Variants in LIFR observed in about 807,000 individuals in gnomAD.
LIFR encodes the protein LIF receptor subunit alpha.
A neutral mutation model predicts 122.2 loss-of-function variants in LIFR; 84 were observed. The observed-to-expected ratio is 0.69, with a 90% CI of 0.58 to 0.82. The LOEUF (loss-of-function observed/expected upper bound fraction) is 0.82. Ranked by LOEUF, LIFR falls within the 40% of genes least tolerant of loss-of-function variation. The pLI, the probability that LIFR is intolerant of heterozygous loss-of-function variation, is 0.00. For missense variants in LIFR, 1,294 were observed against 1,311.6 expected (o/e 0.99, Z 0.21); for synonymous variants, 422 against 434.7 (o/e 0.97, Z 0.36).
At chr5:38,579,814 G>C (rs538099445) in intron 1 of LIFR, among the ~76,000 whole-genome samples, 1 of 152,138 alleles carries the variant, frequency 6.6e-6, no homozygotes, top group Non-Finnish European at 1.5e-5. Context: ...TTTTAAAAAT[G>C]TGATATTCTA....
intron 1 of LIFR, among the ~76,000 whole-genome samples, chr5:38,593,948 A>G (rs1417399651): frequency 1.3e-5 from 2 of 152,190 alleles, no homozygotes; most frequent in Non-Finnish European, 2.9e-5. Flanking sequence ...TACCCAGACT[A>G]TCGTATTTTT....
At chr5:38,582,604 T>C (rs1209334112) in intron 1 of LIFR, among the ~76,000 whole-genome samples, 1 of 152,226 alleles carries the variant, frequency 6.6e-6, no homozygotes, top group African/African-American at 2.4e-5. Flanking sequence ...AAGTGATCTA[T>C]TAAAAAGACA....
intron 11 of LIFR, 38 bp downstream of exon 11, chr5:38,502,599 A>G: frequency 6.6e-7 from 1 of 1,525,208 alleles, no homozygotes; most frequent in Non-Finnish European, 9.1e-7. Context: ...TTCAGAATAC[A>G]CAGTAATTAT....
upstream of LIFR, among the ~76,000 whole-genome samples, chr5:38,560,901 T>A (rs78755328): frequency 6.6e-6 from 1 of 152,170 alleles, no homozygotes; most frequent in African/African-American, 2.4e-5. Flanking sequence ...CAGCCTGTCT[T>A]TTGTTTATTT....
At chr5:38,606,544 G>A (rs186993081) in intron 1 of LIFR, among the ~76,000 whole-genome samples, 1 of 152,136 alleles carries the variant, frequency 6.6e-6, no homozygotes, top group African/African-American at 2.4e-5. Context: ...AATTACCTGC[G>A]AGCACAAATT....
At chr5:38,585,537 A>G (rs1054578953) in intron 1 of LIFR, among the ~76,000 whole-genome samples, 11 of 152,218 alleles carry the variant, frequency 7.2e-5, no homozygotes, top group African/African-American at 2.7e-4. Flanking sequence ...TAGGGTTAGA[A>G]GAAGAAATGC....
At chr5:38,507,486 C>T (rs1004734229) in intron 7 of LIFR, among the ~76,000 whole-genome samples, 1 of 150,030 alleles carries the variant, frequency 6.7e-6, no homozygotes, top group Admixed American at 6.7e-5. Context: ...ACCGCTTGAA[C>T]CTGGGAGGTG....
intron 1 of LIFR, among the ~76,000 whole-genome samples, chr5:38,548,417 C>T (rs1561198537): frequency 6.6e-6 from 1 of 152,148 alleles, no homozygotes; most frequent in Non-Finnish European, 1.5e-5. Context: ...CTTTTAAAAT[C>T]AGAGGAGAGA....
At chr5:38,567,933 G>A (rs989616689) in intron 1 of LIFR, among the ~76,000 whole-genome samples, 14 of 152,202 alleles carry the variant, frequency 9.2e-5, no homozygotes, top group African/African-American at 3.1e-4. Context: ...ACAGAGACTG[G>A]GTACTATGAG....
At chr5:38,522,341 G>A (rs1746448152) in intron 5 of LIFR, among the ~76,000 whole-genome samples, 1 of 152,132 alleles carries the variant, frequency 6.6e-6, no homozygotes, top group African/African-American at 2.4e-5. Context: ...TGCTTTAGGT[G>A]CTTCCTGTCA....
chr5:38,486,893 T>G (rs1744315042), intron 16 of LIFR, among the ~76,000 whole-genome samples: 1 of 152,254 alleles, frequency 6.6e-6, no homozygotes, highest in Non-Finnish European at 1.5e-5. Flanking sequence ...TATATAAATA[T>G]GAGTTACTGC....
At chr5:38,539,019 G>A (rs1161050008) in intron 1 of LIFR, among the ~76,000 whole-genome samples, 1 of 151,992 alleles carries the variant, frequency 6.6e-6, no homozygotes, top group African/African-American at 2.4e-5. Context: ...GGAGTGCAGT[G>A]GCGCGATCTC....
At chr5:38,501,550 G>A (rs1313041356) in intron 11 of LIFR, among the ~76,000 whole-genome samples, 2 of 152,192 alleles carry the variant, frequency 1.3e-5, no homozygotes, top group East Asian at 1.9e-4. Context: ...TCAGGAGTTC[G>A]AGACCAGCCT....
upstream of LIFR, among the ~76,000 whole-genome samples, chr5:38,595,707 TC>T (rs1464733393): frequency 1.4e-5 from 2 of 147,438 alleles, no homozygotes; most frequent in Non-Finnish European, 3.0e-5. Context: ...ATTAGAGTAA[TC>T]CTGAAAACCA....
intron 4 of LIFR, 41 bp downstream of exon 4, chr5:38,527,114 C>T: frequency 6.5e-7 from 1 of 1,535,718 alleles, no homozygotes; most frequent in Non-Finnish European, 8.9e-7. Flanking sequence ...ACAAGTGACA[C>T]TTGACTTACT....
At position 38,476,774 on chromosome 5, in the gene LIFR, C is replaced by A. The variant is rs921446474; in HGVS notation, c.*4821G>T. On this transcript the variant is annotated 3_prime_UTR_variant, in exon 20 of 20. Coordinates refer to ENST00000453190, the MANE Select transcript of LIFR (RefSeq NM_001127671.2). ...TTCTACGGTTCTTTAGGCACTTACA[C>A]ATAAAAACATTCAGAGGGTTTTCCC... 2 of 210,342 alleles carry A rather than the reference C, an allele frequency of 9.5e-6. No homozygotes were observed. The highest frequency in any genetic ancestry group is 1.4e-4 in the East Asian group (2 of 13,884). 13.0% of individuals were successfully genotyped at this position (210,342 alleles called of 1,614,324 possible). A position where few individuals can be genotyped will look rare whatever the true frequency, so the allele number is the denominator to read the frequency against.
chr5:38,547,884 T>C (rs1747984218), intron 1 of LIFR, among the ~76,000 whole-genome samples: 1 of 152,146 alleles, frequency 6.6e-6, no homozygotes, highest in Non-Finnish European at 1.5e-5. Flanking sequence ...CTGTACTGAA[T>C]ACTGAAGGCA....
intron 1 of LIFR, among the ~76,000 whole-genome samples, chr5:38,532,975 A>G (rs1435035176): frequency 1.3e-5 from 2 of 152,234 alleles, no homozygotes; most frequent in Admixed American, 6.5e-5. Context: ...GCAAATATGC[A>G]GGGGCAAAGC....
chr5:38,582,159 C>G (rs1369561629), intron 1 of LIFR, among the ~76,000 whole-genome samples: 7 of 151,656 alleles, frequency 4.6e-5, no homozygotes, highest in Non-Finnish European at 8.8e-5. Flanking sequence ...CTCCTGGGCT[C>G]AAGTGATCCC....
Sources: allele counts gnomAD v4.1 joint callset (sites outside exome capture counted in the v4.1 genomes callset), GRCh38; gene constraint gnomAD v4.1.1; transcripts MANE v1.5; gene names NCBI Gene and HGNC (gene_info 2026-07-23, HGNC 2026-07-21).